KPNA7: variants seen among roughly 807,000 people sequenced by gnomAD.
KPNA7 encodes the protein importin subunit alpha-8.
KPNA7 carries 54 observed loss-of-function variants against 53.7 expected under a neutral mutation model. That is an observed-to-expected ratio of 1.01 (90% CI 0.81 to 1.26). KPNA7 has a LOEUF of 1.26. Ranked by LOEUF, KPNA7 falls within the 50% of genes most tolerant of loss-of-function variation. The pLI is 0.00. For missense variants in KPNA7, 640 were observed against 644.5 expected, an observed-to-expected ratio of 0.99 and a Z score of 0.07; for synonymous variants, 276 against 259.3, an observed-to-expected ratio of 1.06 and a Z score of -0.62.
intron 3 of KPNA7, 46 bp from the exon 4 acceptor site, chr7:99,196,212 C>G (rs1051364732): frequency 7.5e-7 from 1 of 1,334,688 alleles, no homozygotes; most frequent in Non-Finnish European, 1.1e-6. Flanking sequence ...CCAAAATGAG[C>G]TGTAAACATC....
intron 7 of KPNA7, among the ~76,000 whole-genome samples, chr7:99,187,426 G>A (rs1158823197): frequency 6.6e-6 from 1 of 151,796 alleles, no homozygotes; most frequent in Non-Finnish European, 1.5e-5. Context: ...CAGTCTCACT[G>A]TCACTCTGGC....
chr7:99,165,302 T>TAAA, the KPNA7 span, among the ~76,000 whole-genome samples: 1,671 of 145,320 alleles, frequency 0.011, 31 homozygotes, highest in African/African-American at 0.041. Flanking sequence ...CTTGCCTTTT[T>TAAA]AAAAAAAAAA....
intron 10 of KPNA7, among the ~76,000 whole-genome samples, chr7:99,174,167 A>T (rs1798824165): frequency 6.6e-6 from 1 of 152,154 alleles, no homozygotes; most frequent in Admixed American, 6.6e-5. Flanking sequence ...CTGTCAGACC[A>T]GCAGCAGCAT....
At position 99,182,010 on chromosome 7, in the gene KPNA7, C is replaced by T; in HGVS notation, c.1190G>A (p.Gly397Glu). The T allele has an allele frequency of 6.5e-7, 1 of 1,549,232 alleles. No homozygotes were observed. Among genetic ancestry groups the T allele is most frequent in the Non-Finnish European group, 8.7e-7 (1 of 1,145,102 alleles). The change falls in exon 9 of 11, where the codon GGG becomes GAG. Residue 397 changes from glycine to glutamate, a missense_variant. By Grantham distance (98) the Gly-to-Glu change is moderately conservative. Transcript: ENST00000327442. Reference protein sequence around the residue: ...AVWMVANFATGATMDQLIQLV... With the variant: ...AVWMVANFATEATMDQLIQLV... ...CTGGATCAGCTGATCCATGGTGGCCCCTGTTGCAAAGTTCGCCACCATCCA... is the reference window on the plus strand; with the variant it reads ...CTGGATCAGCTGATCCATGGTGGCCTCTGTTGCAAAGTTCGCCACCATCCA...
At chr7:99,178,503 G>A (rs1321544627) in intron 9 of KPNA7, among the ~76,000 whole-genome samples, 2 of 151,996 alleles carry the variant, frequency 1.3e-5, no homozygotes, top group South Asian at 2.1e-4. Flanking sequence ...AGGAGGCAGA[G>A]GTTGCAGTGA....
At chr7:99,160,125 C>T in the KPNA7 span, among the ~76,000 whole-genome samples, 8 of 145,214 alleles carry the variant, frequency 5.5e-5, no homozygotes, top group East Asian at 1.1e-3. Flanking sequence ...CCCAGGTTCA[C>T]GTCATTCTCC....
At chr7:99,190,038 T>C (rs16867592) in intron 6 of KPNA7, among the ~76,000 whole-genome samples, 12,902 of 151,994 alleles carry the variant, frequency 0.085, 577 homozygotes, top group South Asian at 0.15. Flanking sequence ...GTCAGCCCTT[T>C]CTTTTTGAAG....
At chr7:99,210,040 G>A (rs79688509), upstream of KPNA7, among the ~76,000 whole-genome samples, 9,244 of 151,962 alleles carry the variant, frequency 0.061, 311 homozygotes, top group South Asian at 0.15. Context: ...AAAAATCAAG[G>A]AGAATCTGAT....
intron 3 of KPNA7, 27 bp from the exon 4 acceptor site, chr7:99,196,193 G>C: frequency 6.6e-7 from 1 of 1,507,370 alleles, no homozygotes; most frequent in Non-Finnish European, 9.0e-7. Flanking sequence ...ATTCAGGTCA[G>C]ACTGTCTGCC....
chr7:99,167,460 G>A, the KPNA7 span, among the ~76,000 whole-genome samples: 540 of 152,024 alleles, frequency 3.6e-3, 2 homozygotes, highest in African/African-American at 0.012. Context: ...GATCTAGACT[G>A]CATACTCCTC....
intron 6 of KPNA7, among the ~76,000 whole-genome samples, chr7:99,192,540 G>A (rs1171675969): frequency 1.3e-5 from 2 of 152,164 alleles, no homozygotes; most frequent in African/African-American, 4.8e-5. Context: ...AGCCTCCTGA[G>A]TAGCTGAGAC....
the KPNA7 span, among the ~76,000 whole-genome samples, chr7:99,160,743 T>C: frequency 6.6e-6 from 1 of 152,116 alleles, no homozygotes; most frequent in Non-Finnish European, 1.5e-5. Context: ...CACTCCAGGG[T>C]GGAGTGGATG....
chr7:99,158,253 T>C, the KPNA7 span, among the ~76,000 whole-genome samples: 1 of 152,258 alleles, frequency 6.6e-6, no homozygotes, highest in African/African-American at 2.4e-5. Flanking sequence ...CTTTCATCCA[T>C]TTTTCTGGGC....
Position 99,203,872 on chromosome 7 carries a change from G to A in KPNA7, c.67-632C>T, listed in dbSNP as rs73403124. Among the ~76,000 whole-genome samples, 1,098 of 151,990 alleles carry A rather than the reference G, an allele frequency of 7.2e-3. 13 individuals are homozygous for A. The highest frequency in any genetic ancestry group is 0.025 in the African/African-American group (1,052 of 41,454). On this transcript the variant is annotated intron_variant, in intron 2 of 10. Transcript: ENST00000327442. ...ATTACAGGCATGTGTCACCACACTC[G>A]GCTATGTTTTATATTTTTAGTAGAG...
rs1400379269 is a variant in KPNA7, at chr7:99,177,972, T to C, written c.1412A>G (p.Asn471Ser). ...DRIEALQLHE[N>S]RQIGQSALNI... The stretch of plus-strand genomic sequence containing the variant: ...CAAAGCCGACTGGCCAATTTGACGG[T>C]TCTCATGCAGCTGTAAAGCCTCAAT... The change falls in exon 10 of 11, where the codon AAC becomes AGC. Residue 471 changes from asparagine (N) to serine (S), a missense_variant. By Grantham distance (46) the Asn-to-Ser change is conservative. Transcript: ENST00000327442. 6.4e-7 allele frequency: 1 copy of C among 1,551,760 alleles called. No individual in the cohort carries two copies. The highest frequency in any genetic ancestry group is 2.0e-5 in the Admixed American group (1 of 50,946).
chr7:99,216,652 T>C (rs1195921354), intron 1 of KPNA7, among the ~76,000 whole-genome samples: 1 of 151,998 alleles, frequency 6.6e-6, no homozygotes, highest in African/African-American at 2.4e-5. Context: ...ACCTCCACCT[T>C]CCAGATTCAA....
At chr7:99,157,859 C>T in the KPNA7 span, among the ~76,000 whole-genome samples, 160 of 152,172 alleles carry the variant, frequency 1.1e-3, 2 homozygotes, top group Non-Finnish European at 6.5e-4. Context: ...ACTGCAGCCT[C>T]GACCTCCTGG....
the KPNA7 span, among the ~76,000 whole-genome samples, chr7:99,152,287 C>G: frequency 2.0e-5 from 3 of 150,156 alleles, no homozygotes; most frequent in Non-Finnish European, 3.0e-5. Flanking sequence ...GCTTGAACCC[C>G]AGAGGCAGAA....
chr7:99,184,405 C>T (rs1255283743), intron 8 of KPNA7, among the ~76,000 whole-genome samples: 1 of 152,134 alleles, frequency 6.6e-6, no homozygotes, highest in African/African-American at 2.4e-5. Flanking sequence ...TCAATCTATC[C>T]ACCTGACTGG....
Sources: allele counts gnomAD v4.1 joint callset (sites outside exome capture counted in the v4.1 genomes callset), GRCh38; gene constraint gnomAD v4.1.1; transcripts MANE v1.5; gene names NCBI Gene and HGNC (gene_info 2026-07-23, HGNC 2026-07-21).